Variants in PRKG1 observed in about 807,000 individuals in gnomAD.
PRKG1 encodes protein kinase cGMP-dependent 1.
PRKG1 carries 35 observed loss-of-function variants against 88.1 expected under a neutral mutation model. The ratio of observed to expected loss-of-function variants is 0.40; its 90% CI spans 0.30 to 0.53. PRKG1 has a LOEUF of 0.53. Ranked by LOEUF, PRKG1 falls within the 20% of genes least tolerant of loss-of-function variation. PRKG1 has a pLI of 0.59. For synonymous variants in PRKG1, 303 were observed against 292.5 expected (o/e 1.04, Z -0.37); for missense variants, 540 against 839.8 (o/e 0.64, Z 4.41).
At chr10:51,872,551 A>G (rs946735419) in intron 4 of PRKG1, among the ~76,000 whole-genome samples, 4 of 152,188 alleles carry the variant, frequency 2.6e-5, no homozygotes, top group Non-Finnish European at 5.9e-5. Context: ...TACAAGACTT[A>G]TAATTTTTTC....
chr10:51,247,590 G>A (rs185730040), intron 2 of PRKG1, among the ~76,000 whole-genome samples: 10 of 152,030 alleles, frequency 6.6e-5, no homozygotes, highest in Admixed American at 4.6e-4. Context: ...TAATTACCCT[G>A]AGGACAGGAC....
intron 7 of PRKG1, among the ~76,000 whole-genome samples, chr10:52,132,779 A>G (rs1236541227): frequency 2.0e-5 from 3 of 152,014 alleles, no homozygotes; most frequent in Admixed American, 6.6e-5. Flanking sequence ...TAATTTTTAA[A>G]TTATTTTTAA....
intron 3 of PRKG1, among the ~76,000 whole-genome samples, chr10:51,592,613 C>T (rs961330891): frequency 1.3e-5 from 2 of 152,162 alleles, no homozygotes; most frequent in African/African-American, 4.8e-5. Context: ...GAACAGCAGA[C>T]ACCATACATT....
rs79799361 is a variant in PRKG1, at chr10:51,892,161, G to C, written c.699-15346G>C. On this transcript the variant is annotated intron_variant, in intron 4 of 17. Coordinates refer to ENST00000373980, the MANE Select transcript of PRKG1 (RefSeq NM_006258.4). ...CGTTAATAGATATTCCCGAATAAAG[G>C]AGTTACCTGGTTGAGTAAGTTTGAA... Among the ~76,000 whole-genome samples, 821 of 151,950 alleles carry C rather than the reference G, an allele frequency of 5.4e-3. 57 individuals carry two copies. In the East Asian group the frequency reaches 0.14, roughly 26 times the overall value.
At chr10:51,900,966 A>C (rs1841966551) in intron 4 of PRKG1, among the ~76,000 whole-genome samples, 1 of 152,176 alleles carries the variant, frequency 6.6e-6, no homozygotes, top group African/African-American at 2.4e-5. Flanking sequence ...AATAACTTTT[A>C]CTATTTCAGG....
At chr10:51,656,898 C>T (rs1333032292) in intron 3 of PRKG1, among the ~76,000 whole-genome samples, 1 of 152,080 alleles carries the variant, frequency 6.6e-6, no homozygotes, top group African/African-American at 2.4e-5. Context: ...TTTAAGAGTA[C>T]AGACTCTGAA....
chr10:52,087,490 G>A (rs1349409003), intron 7 of PRKG1, among the ~76,000 whole-genome samples: 1 of 151,840 alleles, frequency 6.6e-6, no homozygotes, highest in Non-Finnish European at 1.5e-5. Context: ...TTTTCCTCAT[G>A]CACAAATTTG....
chr10:51,548,836 G>A (rs1842507765), intron 3 of PRKG1, among the ~76,000 whole-genome samples: 1 of 152,052 alleles, frequency 6.6e-6, no homozygotes, highest in Admixed American at 6.6e-5. Context: ...AAAACTACAA[G>A]AGTTTGTTGG....
chr10:51,107,068 G>A (rs932828044), intron 1 of PRKG1, among the ~76,000 whole-genome samples: 2 of 152,184 alleles, frequency 1.3e-5, no homozygotes, highest in African/African-American at 4.8e-5. Flanking sequence ...AGACTGGAGA[G>A]TCTGGGAAGG....
At chr10:51,986,980 A>T (rs1844176167) in intron 5 of PRKG1, among the ~76,000 whole-genome samples, 1 of 152,150 alleles carries the variant, frequency 6.6e-6, no homozygotes, top group Non-Finnish European at 1.5e-5. Context: ...TACTATAAAT[A>T]AGAAAAGCTT....
intron 1 of PRKG1, among the ~76,000 whole-genome samples, chr10:51,151,375 A>G (rs1206596596): frequency 6.6e-6 from 1 of 151,980 alleles, no homozygotes; most frequent in East Asian, 1.9e-4. Flanking sequence ...ATCCCCTACC[A>G]TTTACTGAAA....
chr10:51,479,814 G>A (rs1248273786), intron 3 of PRKG1, among the ~76,000 whole-genome samples: 1 of 152,022 alleles, frequency 6.6e-6, no homozygotes, highest in Non-Finnish European at 1.5e-5. Context: ...ATGTTCAACA[G>A]TAATACATGT....
intron 3 of PRKG1, among the ~76,000 whole-genome samples, chr10:51,684,494 A>C (rs891309198): frequency 2.0e-5 from 3 of 152,118 alleles, no homozygotes; most frequent in Non-Finnish European, 2.9e-5. Context: ...ATGTTGATAA[A>C]AATGTTAAAA....
At chr10:52,276,221 GT>G (rs1375909064) in intron 12 of PRKG1, among the ~76,000 whole-genome samples, 1 of 152,082 alleles carries the variant, frequency 6.6e-6, no homozygotes, top group African/African-American at 2.4e-5. Context: ...CCAGTACTGC[GT>G]TGAAGAGGAG....
At chr10:52,170,011 A>G (rs545360616) in intron 9 of PRKG1, among the ~76,000 whole-genome samples, 113 of 152,354 alleles carry the variant, frequency 7.4e-4, no homozygotes, top group South Asian at 1.7e-3. Flanking sequence ...TAAGAAGGTC[A>G]TTACTCTTCA....
chr10:51,526,172 T>C (rs1178349841), intron 3 of PRKG1, among the ~76,000 whole-genome samples: 1 of 152,186 alleles, frequency 6.6e-6, no homozygotes, highest in Non-Finnish European at 1.5e-5. Context: ...TGAGGGGTGC[T>C]ATAAGAAAAA....
chr10:51,618,455 T>A lies in PRKG1; in HGVS notation c.592+150619T>A, dbSNP rs1839120959. On this transcript the variant is annotated intron_variant, in intron 3 of 17. Coordinates refer to ENST00000373980, the MANE Select transcript of PRKG1 (RefSeq NM_006258.4). ...AAGCCTTCAAGAAAAATGGTCATCA[T>A]TGTCATTGTCATCATCATCATTGTC... 3.3e-5 allele frequency among the ~76,000 whole-genome samples: 5 copies of A among 152,178 alleles called. No individual in the cohort carries two copies. In the South Asian group the frequency reaches 1.0e-3, roughly 32 times the overall value.
intron 3 of PRKG1, among the ~76,000 whole-genome samples, chr10:51,490,138 A>T (rs556725335): frequency 6.6e-6 from 1 of 152,246 alleles, no homozygotes; most frequent in Non-Finnish European, 1.5e-5. Context: ...CTGGTCTTGA[A>T]TCAGAATTCC....
At chr10:51,631,489 A>ATGC (rs1179428025) in intron 3 of PRKG1, among the ~76,000 whole-genome samples, 1 of 152,196 alleles carries the variant, frequency 6.6e-6, no homozygotes, top group Admixed American at 6.5e-5. Flanking sequence ...CTGCCACCAG[A>ATGC]TGCAGCTTAA....
Sources: gnomAD v4.1 joint callset for allele counts (sites outside exome capture counted in the v4.1 genomes callset) on GRCh38, gnomAD v4.1.1 for gene constraint, MANE v1.5 for transcripts, NCBI Gene and HGNC (gene_info 2026-07-23, HGNC 2026-07-21) for gene names.